RMDN2: variants seen among roughly 807,000 people sequenced by gnomAD.
RMDN2 encodes regulator of microtubule dynamics 2, also known as regulator of microtubule dynamics protein 2.
Under a neutral mutation model 52.8 loss-of-function variants are expected in RMDN2, and 61 were observed. The ratio of observed to expected loss-of-function variants is 1.16; its 90% CI spans 0.94 to 1.43. RMDN2 has a LOEUF of 1.43. Ranked by LOEUF, RMDN2 falls within the 40% of genes most tolerant of loss-of-function variation. The probability of loss-of-function intolerance (pLI) is 0.00; values close to 1 mark genes in which losing one functional copy is unlikely to be tolerated. For missense variants in RMDN2, 592 were observed against 475.3 expected, an observed-to-expected ratio of 1.25 and a Z score of -2.28; for synonymous variants, 180 against 153.1, an observed-to-expected ratio of 1.18 and a Z score of -1.30.
chr2:38,012,723 A>G lies in RMDN2; in HGVS notation c.1180-4463A>G, dbSNP rs115305196. ...AGTGAGTTATATGTAATACCCCTCCATCTCTATAAAGTTTTTTCAGATTGA... is the reference window on the plus strand; with the variant it reads ...AGTGAGTTATATGTAATACCCCTCCGTCTCTATAAAGTTTTTTCAGATTGA... On this transcript the variant is annotated intron_variant, in intron 10 of 10. Transcript: ENST00000354545. 1,240 of 370,032 alleles carry G rather than the reference A, an allele frequency of 3.4e-3. 20 individuals carry two copies. Among genetic ancestry groups the G allele is most frequent in the African/African-American group, 0.023 (1,057 of 46,492 alleles). 22.9% of individuals were successfully genotyped at this position (370,032 alleles called of 1,614,324 possible).
At chr2:38,008,928 C>T (rs371463336) in intron 10 of RMDN2, among the ~76,000 whole-genome samples, 4 of 152,166 alleles carry the variant, frequency 2.6e-5, no homozygotes, top group South Asian at 2.1e-4. Context: ...AGCATTTGCT[C>T]GTCTGTAAGG....
chr2:38,011,491 C>G (rs1677992274), intron 10 of RMDN2, among the ~76,000 whole-genome samples: 1 of 152,118 alleles, frequency 6.6e-6, no homozygotes, highest in Non-Finnish European at 1.5e-5. Flanking sequence ...AAAAAAAACC[C>G]TCCTCTTTTT....
intron 1 of RMDN2, among the ~76,000 whole-genome samples, chr2:37,926,069 A>C (rs138772063): frequency 6.6e-6 from 1 of 152,032 alleles, no homozygotes; most frequent in Non-Finnish European, 1.5e-5. Context: ...TCACTAGTTC[A>C]AGGTCTCAGT....
chr2:37,981,521 G>A (rs72899094), intron 5 of RMDN2, among the ~76,000 whole-genome samples, 178 bp downstream of exon 5: 18,043 of 152,142 alleles, frequency 0.12, 1,535 homozygotes, highest in African/African-American at 0.24. Flanking sequence ...TTATTATGCA[G>A]CCTTGAAATA....
chr2:38,023,391 C>T (rs967761713), intron 10 of RMDN2, among the ~76,000 whole-genome samples: 1 of 152,132 alleles, frequency 6.6e-6, no homozygotes, highest in African/African-American at 2.4e-5. Context: ...GAAAACAAAG[C>T]TAGAAAATGT....
intron 7 of RMDN2, 146 bp downstream of exon 7, chr2:37,991,443 T>C: frequency 3.1e-6 from 1 of 320,632 alleles, no homozygotes; most frequent in East Asian, 5.0e-5. Flanking sequence ...TAATGTATAA[T>C]ATATATGTTA....
At chr2:38,026,308 C>G (rs1679778760) in intron 10 of RMDN2, among the ~76,000 whole-genome samples, 1 of 152,032 alleles carries the variant, frequency 6.6e-6, no homozygotes. Context: ...TGCCACCTCT[C>G]TCATTCTTGA....
intron 10 of RMDN2, among the ~76,000 whole-genome samples, chr2:38,038,223 G>T (rs999500729): frequency 6.6e-6 from 1 of 152,116 alleles, no homozygotes; most frequent in African/African-American, 2.4e-5. Context: ...AGACTTAGAC[G>T]CAGCGTCCTC....
chr2:38,010,512 G>T (rs773176799), intron 10 of RMDN2, among the ~76,000 whole-genome samples: 1 of 152,214 alleles, frequency 6.6e-6, no homozygotes, highest in African/African-American at 2.4e-5. Flanking sequence ...CTCCGAGCCA[G>T]GAGAGGGATA....
At chr2:37,973,928 C>G in intron 2 of RMDN2, 112 bp from the exon 3 acceptor site, 1 of 811,112 alleles carries the variant, frequency 1.2e-6, no homozygotes, top group South Asian at 1.6e-5. Context: ...GCACGTGCCA[C>G]TGCAGAGTTT....
intron 5 of RMDN2, among the ~76,000 whole-genome samples, chr2:37,984,727 C>T (rs979179114): frequency 1.3e-5 from 2 of 151,568 alleles, no homozygotes; most frequent in South Asian, 2.1e-4. Context: ...ACTATCAATG[C>T]AAAGAAAAAT....
chr2:37,942,191 G>A (rs974530395), intron 2 of RMDN2, among the ~76,000 whole-genome samples: 5 of 152,076 alleles, frequency 3.3e-5, no homozygotes, highest in African/African-American at 7.2e-5. Context: ...TGGGTGAGGC[G>A]AAATCCCACC....
chr2:37,987,056 TATG>T (rs1443574087), intron 5 of RMDN2, among the ~76,000 whole-genome samples: 1 of 152,030 alleles, frequency 6.6e-6, no homozygotes, highest in Admixed American at 6.6e-5. Context: ...AAGACAATGA[TATG>T]ATTGTCTTTG....
chr2:37,980,850 G>A (rs1255387588), intron 4 of RMDN2, among the ~76,000 whole-genome samples: 1 of 151,514 alleles, frequency 6.6e-6, no homozygotes, highest in African/African-American at 2.4e-5. Flanking sequence ...CATACTGAAC[G>A]GTGAGCTCTT....
intron 2 of RMDN2, among the ~76,000 whole-genome samples, chr2:37,943,667 T>A (rs1667981879): frequency 6.6e-6 from 1 of 152,190 alleles, no homozygotes; most frequent in African/African-American, 2.4e-5. Flanking sequence ...TCTGTAAGAA[T>A]TTTAGGTTGT....
rs548857402 is a variant in RMDN2, at chr2:38,004,676, C to T, written c.1179+460C>T. 1.6e-3 allele frequency among the ~76,000 whole-genome samples: 250 copies of T among 151,918 alleles called. 4 individuals carry two copies. Among genetic ancestry groups the T allele is most frequent in the African/African-American group, 5.3e-3 (219 of 41,356 alleles). ...ACAGCCACCCTTCTACTCTCTCCTT[C>T]TATGATGGAGTTTTCTTTCTTTTTT... On this transcript the variant is annotated intron_variant, in intron 10 of 10. Coordinates refer to ENST00000354545, the MANE Select transcript of RMDN2 (RefSeq NM_001170791.3).
chr2:37,967,725 GTTTC>G (rs1671251549), intron 2 of RMDN2, among the ~76,000 whole-genome samples: 1 of 152,200 alleles, frequency 6.6e-6, no homozygotes, highest in Admixed American at 6.5e-5. Flanking sequence ...TTTTGCAAGA[GTTTC>G]TTTCAGTGGG....
intron 2 of RMDN2, among the ~76,000 whole-genome samples, chr2:37,934,443 G>C (rs1012623314): frequency 9.8e-5 from 15 of 152,314 alleles, no homozygotes; most frequent in Admixed American, 7.8e-4. Flanking sequence ...AGAGGGGTCT[G>C]TTAAGTTTGT....
intron 2 of RMDN2, among the ~76,000 whole-genome samples, chr2:37,965,702 T>C (rs1310720011): frequency 1.3e-5 from 2 of 152,224 alleles, no homozygotes; most frequent in Non-Finnish European, 2.9e-5. Flanking sequence ...TTACCTTTAC[T>C]ACAGAATATT....
Sources: allele counts gnomAD v4.1 joint callset (sites outside exome capture counted in the v4.1 genomes callset), GRCh38; gene constraint gnomAD v4.1.1; transcripts MANE v1.5; gene names NCBI Gene and HGNC (gene_info 2026-07-23, HGNC 2026-07-21).